The following MARCHF5 variants were observed in gnomAD, a reference collection of about 807,000 sequenced individuals.
The protein encoded by MARCHF5 is membrane associated ring-CH-type finger 5, also known as E3 ubiquitin-protein ligase MARCHF5.
Under a neutral mutation model 36.5 loss-of-function variants are expected in MARCHF5, and 5 were observed. The observed-to-expected ratio is 0.14, with a 90% CI of 0.07 to 0.29. The LOEUF (loss-of-function observed/expected upper bound fraction) is 0.29, where lower values mean the gene tolerates loss of function less well. Among genes scored for constraint, MARCHF5 ranks in the 10% least tolerant of loss-of-function variants. MARCHF5 has a pLI of 1.00. For missense variants in MARCHF5, 179 were observed against 336.3 expected (o/e 0.53, Z 3.66); for synonymous variants, 103 against 109.9 (o/e 0.94, Z 0.39).
chr10:92,338,460 A>G (rs1315760242), intron 2 of MARCHF5, among the ~76,000 whole-genome samples: 2 of 152,174 alleles, frequency 1.3e-5, no homozygotes, highest in Non-Finnish European at 2.9e-5. Context: ...AATGCTAACT[A>G]TTTATTAGAG....
At chr10:92,336,332 C>T (rs1257399743) in intron 2 of MARCHF5, among the ~76,000 whole-genome samples, 13 of 152,154 alleles carry the variant, frequency 8.5e-5, no homozygotes, top group Admixed American at 2.6e-4. Context: ...CCACCATGCC[C>T]GGCCTGGAGC....
At chr10:92,320,854 T>A (rs1157950062) in intron 2 of MARCHF5, among the ~76,000 whole-genome samples, 6 of 152,038 alleles carry the variant, frequency 3.9e-5, no homozygotes, top group African/African-American at 1.5e-4. Flanking sequence ...TAATAGTGTA[T>A]AGTAATGTCT....
At chr10:92,324,502 C>T (rs904344048) in intron 2 of MARCHF5, among the ~76,000 whole-genome samples, 1 of 152,166 alleles carries the variant, frequency 6.6e-6, no homozygotes, top group African/African-American at 2.4e-5. Context: ...GCTGGGACTA[C>T]AGGCGCCTGC....
intron 3 of MARCHF5, among the ~76,000 whole-genome samples, chr10:92,347,880 A>C (rs1010149055): frequency 1.3e-5 from 2 of 152,074 alleles, no homozygotes; most frequent in African/African-American, 2.4e-5. Flanking sequence ...CTCTCCACAC[A>C]CTTTCATAAA....
rs1843733879 is a variant in MARCHF5 at position 92,352,733 on chromosome 10, TATATG to T, written c.*1529_*1533del. 2 of 152,636 alleles carry T rather than the reference TATATG, an allele frequency of 1.3e-5. No individual in the cohort carries two copies. The highest frequency in any genetic ancestry group is 6.5e-5 in the Admixed American group (1 of 15,274). The allele number at this position is 152,636 out of a possible 1,614,324, so 9.5% of individuals were successfully genotyped here. A position where few individuals can be genotyped will look rare whatever the true frequency, so the allele number is the denominator to read the frequency against. On this transcript the variant is annotated 3_prime_UTR_variant, in exon 6 of 6. Transcript: ENST00000358935. ...TAGTATGAATGTCTTAATTTTGAGT[TATATG>T]ATGTTTATTTGAATGACTGTTGAAC...
At chr10:92,325,232 G>T (rs1843341609) in intron 2 of MARCHF5, among the ~76,000 whole-genome samples, 1 of 152,168 alleles carries the variant, frequency 6.6e-6, no homozygotes, top group African/African-American at 2.4e-5. Context: ...GTCTCTGCTA[G>T]CTCAGGAGGC....
chr10:92,292,436 A>G (rs1357364082), intron 1 of MARCHF5, among the ~76,000 whole-genome samples: 1 of 152,200 alleles, frequency 6.6e-6, no homozygotes, highest in Non-Finnish European at 1.5e-5. Context: ...CACCCATTTC[A>G]GCAGGTGGTA....
At chr10:92,292,897 G>A (rs1017439328) in intron 1 of MARCHF5, among the ~76,000 whole-genome samples, 16 of 152,096 alleles carry the variant, frequency 1.1e-4, no homozygotes, top group African/African-American at 3.9e-4. Flanking sequence ...TTCCCCAGTT[G>A]TCTAGGGGGT....
intron 1 of MARCHF5, among the ~76,000 whole-genome samples, chr10:92,300,937 A>G (rs1333682656): frequency 6.9e-6 from 1 of 144,768 alleles, no homozygotes; most frequent in Non-Finnish European, 1.5e-5. Flanking sequence ...CTGTTGCCCA[A>G]GCTGGAATGC....
intron 1 of MARCHF5, among the ~76,000 whole-genome samples, chr10:92,308,164 A>T (rs1342897419): frequency 6.6e-6 from 1 of 151,910 alleles, no homozygotes; most frequent in Non-Finnish European, 1.5e-5. Flanking sequence ...GATGGTCTCG[A>T]TCTCCTGACC....
chr10:92,347,523 T>TAGATAGATAGATGATA (rs58664499), intron 3 of MARCHF5, among the ~76,000 whole-genome samples: 4 of 86,876 alleles, frequency 4.6e-5, no homozygotes, highest in East Asian at 3.2e-4. Context: ...GATAGATAGA[T>TAGATAGATAGATGATA]GATAGATATA....
chr10:92,302,652 C>G (rs1018486957), intron 1 of MARCHF5, among the ~76,000 whole-genome samples: 6 of 152,108 alleles, frequency 3.9e-5, no homozygotes, highest in Non-Finnish European at 7.4e-5. Flanking sequence ...CTATGTTGGT[C>G]AGGCTGGTGT....
At position 92,351,300 on chromosome 10, in the gene MARCHF5, A is replaced by T. The variant is rs769373870; in HGVS notation, c.*93A>T. On this transcript the variant is annotated 3_prime_UTR_variant, in exon 6 of 6. Transcript: ENST00000358935. The stretch of plus-strand genomic sequence containing the variant: ...ATTAATGCACTTGTGGAGACTTGTG[A>T]TAAGCTGCTGCTCCTATATTTTTTA... 1 of 750,688 alleles carries T rather than the reference A, an allele frequency of 1.3e-6. No individual in the cohort carries two copies. The highest frequency in any genetic ancestry group is 2.3e-6 in the Non-Finnish European group (1 of 440,284). 46.5% of individuals were successfully genotyped at this position (750,688 alleles called of 1,614,324 possible). A position where few individuals can be genotyped will look rare whatever the true frequency, so the allele number is the denominator to read the frequency against.
At chr10:92,314,804 C>G (rs1309288610) in intron 2 of MARCHF5, among the ~76,000 whole-genome samples, 2 of 142,658 alleles carry the variant, frequency 1.4e-5, no homozygotes, top group Non-Finnish European at 1.5e-5. Context: ...TTGTCTCAAA[C>G]TCCTGGGCTC....
rs138495627 is a variant in MARCHF5, at chr10:92,349,058, A to C, written c.370-291A>C. 3.1e-3 allele frequency among the ~76,000 whole-genome samples: 476 copies of C among 152,298 alleles called. 2 individuals are homozygous for C. The highest frequency in any genetic ancestry group is 5.5e-3 in the Non-Finnish European group (374 of 68,014). On this transcript the variant is annotated intron_variant, in intron 3 of 5. Transcript: ENST00000358935. ...CTAACCAAATCAAATAAAGGAATAG[A>C]AGCAACAATCAGAGGTCCCCGCCCC...
In MARCHF5 at chr10:92,313,529, C is replaced by T. The variant is rs557594779; in HGVS notation, c.238+2192C>T. Among the ~76,000 whole-genome samples the T allele has an allele frequency of 5.9e-5, 9 of 151,530 alleles. No homozygotes were observed. The South Asian group carries it at 1.7e-3, about 28-fold the overall frequency. On this transcript the variant is annotated intron_variant, in intron 2 of 5. Coordinates refer to ENST00000358935, the MANE Select transcript of MARCHF5 (RefSeq NM_017824.5). ...CTGAGGCAGGAGAATGGCGTAAACC[C>T]GGGAGGCAGAGCTTGCAGTGAGCCA...
chr10:92,328,412 C>T (rs566112667), intron 2 of MARCHF5, among the ~76,000 whole-genome samples: 2 of 147,444 alleles, frequency 1.4e-5, no homozygotes, highest in South Asian at 4.3e-4. Flanking sequence ...TATCTCTTCT[C>T]ATCCTTTTAT....
chr10:92,320,787 TTTA>T (rs879368454), intron 2 of MARCHF5, among the ~76,000 whole-genome samples: 20 of 152,076 alleles, frequency 1.3e-4, no homozygotes, highest in African/African-American at 3.1e-4. Context: ...CTAAGGTTAA[TTTA>T]TTATTAAAAA....
At chr10:92,334,139 G>A (rs1170184454) in intron 2 of MARCHF5, among the ~76,000 whole-genome samples, 2 of 152,206 alleles carry the variant, frequency 1.3e-5, no homozygotes, top group East Asian at 3.9e-4. Context: ...GCTGTGAGCT[G>A]ACATTGCGCC....
Sources: gnomAD v4.1 joint callset for allele counts (sites outside exome capture counted in the v4.1 genomes callset) on GRCh38, gnomAD v4.1.1 for gene constraint, MANE v1.5 for transcripts, NCBI Gene and HGNC (gene_info 2026-07-23, HGNC 2026-07-21) for gene names.